Variants in PAN3 observed in about 807,000 individuals in gnomAD.
The protein encoded by PAN3 is poly(A) specific ribonuclease subunit PAN3.
PAN3 carries 19 observed loss-of-function variants against 96.2 expected under a neutral mutation model. That is an observed-to-expected ratio of 0.20 (90% CI 0.14 to 0.29). The LOEUF (loss-of-function observed/expected upper bound fraction) is 0.29. PAN3 is among the 10% of genes least tolerant of loss of function. The pLI, the probability that PAN3 is intolerant of heterozygous loss-of-function variation, is 1.00. For synonymous variants in PAN3, 433 were observed against 406.6 expected (o/e 1.06, Z -0.78); for missense variants, 882 against 1,108.1 (o/e 0.80, Z 2.90).
At position 28,267,413 on chromosome 13, in the gene PAN3, A is replaced by G; in HGVS notation, c.1792+12A>G. On this transcript the variant is annotated intron_variant, in intron 12 of 18. Coordinates refer to ENST00000380958, the MANE Select transcript of PAN3 (RefSeq NM_175854.8). ...CAAGAGAAAGTGGGGTAAGAAAAAG[A>G]TGCAGGCAAACTATATTTTGACTAA... The G allele has an allele frequency of 6.3e-7, 1 of 1,589,158 alleles. No homozygotes were observed. The highest frequency in any genetic ancestry group is 8.6e-7 in the Non-Finnish European group (1 of 1,157,666).
At chr13:28,251,377 T>C (rs1884708181) in intron 6 of PAN3, among the ~76,000 whole-genome samples, 1 of 152,236 alleles carries the variant, frequency 6.6e-6, no homozygotes, top group Non-Finnish European at 1.5e-5. Flanking sequence ...TCTTGTATGT[T>C]GTCATTTTTG....
chr13:28,287,830 C>T (rs142091733), intron 17 of PAN3, among the ~76,000 whole-genome samples, 154 bp from the exon 18 acceptor site: 91 of 152,274 alleles, frequency 6.0e-4, no homozygotes, highest in African/African-American at 2.0e-3. Context: ...CTTACTAGTT[C>T]AGTTAGATTA....
chr13:28,156,604 A>G (rs1872196764), intron 1 of PAN3, among the ~76,000 whole-genome samples: 1 of 152,192 alleles, frequency 6.6e-6, no homozygotes, highest in African/African-American at 2.4e-5. Context: ...GAGACTCAAC[A>G]AAAAACGAAA....
chr13:28,239,749 T>TAATC, intron 6 of PAN3: 1 of 1,055,006 alleles, frequency 9.5e-7, no homozygotes, highest in Non-Finnish European at 1.3e-6. Flanking sequence ...TTAATTCCCC[T>TAATC]AATCATAAGG....
intron 1 of PAN3, among the ~76,000 whole-genome samples, chr13:28,173,921 A>G (rs1332657316): frequency 6.6e-6 from 1 of 152,228 alleles, no homozygotes; most frequent in African/African-American, 2.4e-5. Context: ...TCTGTTTACC[A>G]TCCAGTGATT....
chr13:28,138,685 C>CCCGGGCCCAAGAAGCCGGA lies in PAN3; in HGVS notation c.30_31insGGGCCCAAGAAGCCGGACC (p.Ser11GlyfsTer50). 1 of 951,764 alleles carries CCCGGGCCCAAGAAGCCGGA rather than the reference C, an allele frequency of 1.1e-6. No homozygotes were observed. Among genetic ancestry groups the CCCGGGCCCAAGAAGCCGGA allele is most frequent in the Non-Finnish European group, 1.4e-6 (1 of 707,320 alleles). The allele number at this position is 951,764 out of a possible 1,614,324, so 59.0% of individuals were successfully genotyped here. Reference sequence around the variant, plus strand: ...GAACAGTGGCGGCGGCCTCCCGCCCCCCTCGGCCGCCGCCTCCCCTTCCTC... The same window carrying CCCGGGCCCAAGAAGCCGGA: ...GAACAGTGGCGGCGGCCTCCCGCCCCCCGGGCCCAAGAAGCCGGACCTCGGCCGCCGCCTCCCCTTCCTC... On this transcript the variant is annotated frameshift_variant, in exon 1 of 19. Transcript: ENST00000380958. LOFTEE classifies it high-confidence loss of function.
chr13:28,256,281 A>G lies in PAN3; in HGVS notation c.1001-11A>G, dbSNP rs182312232. ...TTGCTCCATTAAGAAACATTTTTAC[A>G]TCTTCTTCAGGAATGTCGTTGTCTG... On this transcript the variant is annotated splice_polypyrimidine_tract_variant and intron_variant, in intron 6 of 18. Transcript: ENST00000380958. 2,154 of 1,606,106 alleles carry G rather than the reference A, an allele frequency of 1.3e-3. 4 individuals carry two copies. Among genetic ancestry groups the G allele is most frequent in the Middle Eastern group, 7.2e-3 (43 of 6,004 alleles).
intron 9 of PAN3, among the ~76,000 whole-genome samples, chr13:28,264,006 C>T (rs578255332): frequency 6.6e-6 from 1 of 152,226 alleles, no homozygotes; most frequent in Non-Finnish European, 1.5e-5. Context: ...TTATAGTTCA[C>T]CCATTTGACA....
chr13:28,191,547 A>C (rs1877258863), intron 4 of PAN3, among the ~76,000 whole-genome samples: 1 of 152,118 alleles, frequency 6.6e-6, no homozygotes, highest in Admixed American at 6.6e-5. Flanking sequence ...CACAAGAAAG[A>C]ATTATCCAAA....
intron 6 of PAN3, among the ~76,000 whole-genome samples, chr13:28,230,868 C>T (rs1309117254): frequency 1.3e-5 from 2 of 152,168 alleles, no homozygotes; most frequent in Non-Finnish European, 1.5e-5. Context: ...GTCACTACCA[C>T]TCAAGAAGAA....
In PAN3 at chr13:28,250,129, A is replaced by G. The variant is rs113259545; in HGVS notation, c.1001-6163A>G. Reference sequence around the variant, plus strand: ...TTTGTCTCTTTTCTGGTAGCTCTTAAGATTTTCTCTTTGTCTTTCGCATGC... The same window carrying G: ...TTTGTCTCTTTTCTGGTAGCTCTTAGGATTTTCTCTTTGTCTTTCGCATGC... On this transcript the variant is annotated intron_variant, in intron 6 of 18. Coordinates refer to ENST00000380958, the MANE Select transcript of PAN3 (RefSeq NM_175854.8). 6.5e-4 allele frequency among the ~76,000 whole-genome samples: 98 copies of G among 151,342 alleles called. No homozygotes were observed. In the South Asian group the frequency reaches 6.7e-3, roughly 10 times the overall value.
intron 4 of PAN3, among the ~76,000 whole-genome samples, chr13:28,193,824 A>G (rs371122366): frequency 1.3e-5 from 2 of 151,600 alleles, no homozygotes; most frequent in Admixed American, 6.6e-5. Flanking sequence ...GTACTACTAC[A>G]TAGAAAGTGA....
rs1885328606 is a variant in PAN3, at chr13:28,257,775, AAAT to A, written c.1248+1237_1248+1239del. On this transcript the variant is annotated intron_variant, in intron 7 of 18. Coordinates refer to ENST00000380958, the MANE Select transcript of PAN3 (RefSeq NM_175854.8). The stretch of plus-strand genomic sequence containing the variant: ...ATATAATTAATTATATATTATATAT[AAAT>A]TATATATAATATATAATTAATATAT... Among the ~76,000 whole-genome samples, 31 of 140,028 alleles carry A rather than the reference AAAT, an allele frequency of 2.2e-4. No homozygotes were observed. The Admixed American group carries it at 2.3e-3, about 10-fold the overall frequency. 91.9% of individuals were successfully genotyped at this position (140,028 alleles called of 152,430 possible). A position where few individuals can be genotyped will look rare whatever the true frequency, so the allele number is the denominator to read the frequency against.
intron 5 of PAN3, among the ~76,000 whole-genome samples, chr13:28,206,647 C>A (rs1415215326): frequency 6.6e-6 from 1 of 151,992 alleles, no homozygotes; most frequent in Non-Finnish European, 1.5e-5. Flanking sequence ...CAACGGCATT[C>A]CTCTTACTTG....
At chr13:28,187,973 C>T (rs1320567904) in intron 4 of PAN3, among the ~76,000 whole-genome samples, 7 of 152,186 alleles carry the variant, frequency 4.6e-5, no homozygotes, top group Non-Finnish European at 4.4e-5. Flanking sequence ...AGATTACAGG[C>T]ATGAGCCACC....
intron 6 of PAN3, chr13:28,239,453 C>T (rs1055630969): frequency 2.6e-6 from 1 of 387,410 alleles, no homozygotes; most frequent in Admixed American, 3.8e-5. Context: ...GGTTCATTGG[C>T]TACTTCTGTA....
intron 15 of PAN3, among the ~76,000 whole-genome samples, chr13:28,277,715 C>T (rs905610764): frequency 6.6e-6 from 1 of 152,208 alleles, no homozygotes; most frequent in Non-Finnish European, 1.5e-5. Context: ...TCAGCAGCCA[C>T]ATGTAATTAC....
Position 28,292,601 on chromosome 13 carries a change from A to T in PAN3, c.*79A>T. Reference sequence around the variant, plus strand: ...TTGCACTACAGCTGAACTTTTCATCATCTCATTCACATTTGGGAAACGAAC... The same window carrying T: ...TTGCACTACAGCTGAACTTTTCATCTTCTCATTCACATTTGGGAAACGAAC... On this transcript the variant is annotated 3_prime_UTR_variant, in exon 19 of 19. Transcript: ENST00000380958. The T allele has an allele frequency of 7.2e-7, 1 of 1,385,846 alleles. No homozygotes were observed. The highest frequency in any genetic ancestry group is 9.6e-7 in the Non-Finnish European group (1 of 1,037,650). 85.8% of individuals were successfully genotyped at this position (1,385,846 alleles called of 1,614,324 possible).
At chr13:28,260,426 A>G (rs2138615155) in intron 7 of PAN3, 21 bp from the exon 8 acceptor site, 1 of 1,534,094 alleles carries the variant, frequency 6.5e-7, no homozygotes, top group Non-Finnish European at 9.0e-7. Flanking sequence ...GATTACATTT[A>G]CCCCCTTCCT....
Sources: allele counts gnomAD v4.1 joint callset (sites outside exome capture counted in the v4.1 genomes callset), GRCh38; gene constraint gnomAD v4.1.1; transcripts MANE v1.5; gene names NCBI Gene and HGNC (gene_info 2026-07-23, HGNC 2026-07-21).